SNX13: variants seen among roughly 807,000 people sequenced by gnomAD.
The protein encoded by SNX13 is sorting nexin 13.
A neutral mutation model predicts 133.6 loss-of-function variants in SNX13; 45 were observed. The observed-to-expected ratio is 0.34, with a 90% CI of 0.27 to 0.43. The LOEUF (loss-of-function observed/expected upper bound fraction) is 0.43, where lower values mean the gene tolerates loss of function less well. Among genes scored for constraint, SNX13 ranks in the 20% least tolerant of loss-of-function variants. SNX13 has a pLI of 1.00. For missense variants in SNX13, 1,032 were observed against 1,145.1 expected, an observed-to-expected ratio of 0.90 and a Z score of 1.43; for synonymous variants, 414 against 373.9, an observed-to-expected ratio of 1.11 and a Z score of -1.24.
At chr7:17,838,703 T>A (rs146631429) in intron 13 of SNX13, among the ~76,000 whole-genome samples, 6 of 151,916 alleles carry the variant, frequency 3.9e-5, no homozygotes, top group African/African-American at 1.4e-4. Context: ...TCATTTCTTG[T>A]TGACTCAGAG....
chr7:17,793,746 G>T lies in SNX13; in HGVS notation c.*299C>A. ...ACACTCTGGCACTTTGTCATTGCTG[G>T]AGAATGCTGATTAGTTTGAAATGGA... On this transcript the variant is annotated 3_prime_UTR_variant, in exon 26 of 26. Coordinates refer to ENST00000428135, the MANE Select transcript of SNX13 (RefSeq NM_015132.5). The T allele has an allele frequency of 3.7e-6, 1 of 266,804 alleles. No homozygotes were observed. The highest frequency in any genetic ancestry group is 7.2e-6 in the Non-Finnish European group (1 of 138,888). The allele number at this position is 266,804 out of a possible 1,614,324, so 16.5% of individuals were successfully genotyped here.
intron 17 of SNX13, among the ~76,000 whole-genome samples, chr7:17,822,626 G>C (rs964677733): frequency 2.0e-5 from 3 of 152,122 alleles, no homozygotes; most frequent in African/African-American, 7.2e-5. Flanking sequence ...TGCTGGTTCT[G>C]TTGGCTTTCT....
chr7:17,914,929 G>C (rs957919525), intron 1 of SNX13, among the ~76,000 whole-genome samples: 4 of 152,032 alleles, frequency 2.6e-5, no homozygotes. Context: ...ACACAGAATG[G>C]CAATTGGGCA....
At chr7:17,891,458 AAG>A (rs1363795923) in intron 4 of SNX13, 86 bp downstream of exon 4, 1 of 893,914 alleles carries the variant, frequency 1.1e-6, no homozygotes, top group Non-Finnish European at 1.7e-6. Context: ...ATATTATTTA[AAG>A]AGCAAAAAGT....
intron 1 of SNX13, among the ~76,000 whole-genome samples, chr7:17,930,119 A>T (rs1285045694): frequency 2.9e-5 from 1 of 34,152 alleles, no homozygotes; most frequent in African/African-American, 9.3e-5. Flanking sequence ...AAGAATAAAG[A>T]ATAAGAATAA....
chr7:17,893,495 T>C, intron 2 of SNX13, 61 bp from the exon 3 acceptor site: 2 of 1,023,468 alleles, frequency 2.0e-6, no homozygotes, highest in Non-Finnish European at 2.9e-6. Flanking sequence ...TTAATGAATC[T>C]ACTACCAAGT....
At chr7:17,794,321 A>G in intron 25 of SNX13, 29 bp from the exon 26 acceptor site, 2 of 1,590,020 alleles carry the variant, frequency 1.3e-6, no homozygotes, top group Non-Finnish European at 1.7e-6. Context: ...AACACACATA[A>G]TTATTCAAAG....
chr7:17,882,724 G>T, intron 5 of SNX13: 1 of 984,876 alleles, frequency 1.0e-6, no homozygotes, highest in Non-Finnish European at 1.3e-6. Context: ...ATCAAGATTA[G>T]TAACAACCTG....
Position 17,834,188 on chromosome 7 carries a change from G to A in SNX13, c.1465-4C>T. ...CTCGTAGCATCAATTCATATACCTT[G>A]GTGAAATAAATCAAGATATTCAACA... On this transcript the variant is annotated splice_polypyrimidine_tract_variant and splice_region_variant and intron_variant, in intron 14 of 25. Transcript: ENST00000428135. 1.3e-6 allele frequency: 2 copies of A among 1,548,204 alleles called. No individual in the cohort carries two copies. The highest frequency in any genetic ancestry group is 1.8e-6 in the Non-Finnish European group (2 of 1,141,766).
chr7:17,876,554 T>A (rs1161916154), intron 5 of SNX13, among the ~76,000 whole-genome samples: 1 of 124,916 alleles, frequency 8.0e-6, no homozygotes, highest in African/African-American at 3.3e-5. Flanking sequence ...CATTCGAGCC[T>A]GGGAACAGAG....
At chr7:17,890,282 C>T (rs1004992431) in intron 5 of SNX13, 81 bp downstream of exon 5, 2 of 1,314,786 alleles carry the variant, frequency 1.5e-6, no homozygotes, top group Non-Finnish European at 2.1e-6. Context: ...TAAACAATTC[C>T]TCCCCTTAAA....
intron 8 of SNX13, among the ~76,000 whole-genome samples, chr7:17,870,383 G>A (rs1793948467): frequency 6.6e-6 from 1 of 151,932 alleles, no homozygotes; most frequent in Admixed American, 6.6e-5. Flanking sequence ...TAGAATTACT[G>A]ACAAAAGAAA....
chr7:17,908,289 T>C lies in SNX13; in HGVS notation c.13-10843A>G, dbSNP rs545711795. On this transcript the variant is annotated intron_variant, in intron 1 of 25. Coordinates refer to ENST00000428135, the MANE Select transcript of SNX13 (RefSeq NM_015132.5). Reference sequence around the variant, plus strand: ...GCCAAAGCTTGACACAAAACCTTCATTATAGCTGCATGACTATATCATTAC... The same window carrying C: ...GCCAAAGCTTGACACAAAACCTTCACTATAGCTGCATGACTATATCATTAC... Among the ~76,000 whole-genome samples, 4 of 152,282 alleles carry C rather than the reference T, an allele frequency of 2.6e-5. No individual in the cohort carries two copies. In the East Asian group the frequency reaches 5.8e-4, roughly 22 times the overall value.
chr7:17,931,329 A>G (rs1411282388), intron 1 of SNX13, among the ~76,000 whole-genome samples: 3 of 145,680 alleles, frequency 2.1e-5, no homozygotes, highest in Non-Finnish European at 4.6e-5. Context: ...ACACAATATC[A>G]CATCTTAAAG....
chr7:17,940,143 T>C (rs1046522060), intron 1 of SNX13, 141 bp downstream of exon 1: 10 of 1,125,266 alleles, frequency 8.9e-6, no homozygotes, highest in South Asian at 4.1e-5. Context: ...AGGGCACTTG[T>C]AGGATCCCCG....
chr7:17,882,832 G>C (rs1242810731), intron 5 of SNX13: 2 of 1,273,142 alleles, frequency 1.6e-6, no homozygotes, highest in African/African-American at 3.1e-5. Context: ...CATATTCTAG[G>C]AGACACAGTG....
At position 17,940,044 on chromosome 7, in the gene SNX13, G is replaced by GGGCGAGT. The variant is rs1268474022; in HGVS notation, c.12+233_12+239dup. On this transcript the variant is annotated intron_variant, in intron 1 of 25. Transcript: ENST00000428135. ...ACAGCAGGAGGGAGACCAGTGCCAGGGGCGAGTGGCAAGTGGCAACTGCGA... is the reference window on the plus strand; with the variant it reads ...ACAGCAGGAGGGAGACCAGTGCCAGGGGCGAGTGGCGAGTGGCAAGTGGCAACTGCGA... Among the ~76,000 whole-genome samples the GGGCGAGT allele has an allele frequency of 2.6e-5, 4 of 152,202 alleles. No homozygotes were observed. The East Asian group carries it at 5.8e-4, about 22-fold the overall frequency.
At chr7:17,896,041 C>T (rs1797168221) in intron 2 of SNX13, among the ~76,000 whole-genome samples, 1 of 152,138 alleles carries the variant, frequency 6.6e-6, no homozygotes, top group Non-Finnish European at 1.5e-5. Flanking sequence ...AATGCAGCCT[C>T]GACTCTGAGA....
At chr7:17,832,032 A>G in intron 15 of SNX13, 1 of 983,940 alleles carries the variant, frequency 1.0e-6, no homozygotes, top group Non-Finnish European at 1.2e-6. Flanking sequence ...TAGGAAACAA[A>G]ATATTAGAGA....
Sources: gnomAD v4.1 joint callset for allele counts (sites outside exome capture counted in the v4.1 genomes callset) on GRCh38, gnomAD v4.1.1 for gene constraint, MANE v1.5 for transcripts, NCBI Gene and HGNC (gene_info 2026-07-23, HGNC 2026-07-21) for gene names.